The following SSH2 variants were observed in gnomAD, a reference collection of about 807,000 sequenced individuals.
SSH2 encodes the protein slingshot protein phosphatase 2, also known as protein phosphatase Slingshot homolog 2.
Under a neutral mutation model 135.2 loss-of-function variants are expected in SSH2, and 37 were observed. The observed-to-expected ratio is 0.27, with a 90% confidence interval of 0.21 to 0.36. The LOEUF (loss-of-function observed/expected upper bound fraction) is 0.36. Among genes scored for constraint, SSH2 ranks in the 10% least tolerant of loss-of-function variants. The probability of loss-of-function intolerance (pLI) is 1.00; values close to 1 mark genes in which losing one functional copy is unlikely to be tolerated. For missense variants in SSH2, 1,408 were observed against 1,765.3 expected, an observed-to-expected ratio of 0.80 and a Z score of 3.63; for synonymous variants, 628 against 646.2, an observed-to-expected ratio of 0.97 and a Z score of 0.43.
chr17:29,747,559 A>AAAAGGCCTTGAT (rs1418603116), intron 3 of SSH2, among the ~76,000 whole-genome samples: 1 of 152,224 alleles, frequency 6.6e-6, no homozygotes, highest in Non-Finnish European at 1.5e-5. Flanking sequence ...GGAACACCTA[A>AAAAGGCCTTGAT]AAAGGCCTTG....
At position 29,793,909 on chromosome 17, in the gene SSH2, C is replaced by G; in HGVS notation, c.173G>C (p.Arg58Pro). The change falls in exon 3 of 16, where the codon CGG becomes CCG. Residue 58 changes from arginine (R) to proline (P), a missense_variant. Transcript: ENST00000540801. ...ACAAACATACCTCCTGGGCTGTGAC[C>G]GGCATTCTTCCTCCCCACTGTCTGC... ...NEADSGEEECRSQPRSISESF... is the reference protein window; with the variant it reads ...NEADSGEEECPSQPRSISESF... 1.2e-6 allele frequency: 2 copies of G among 1,613,318 alleles called. No homozygotes were observed. The highest frequency in any genetic ancestry group is 1.7e-6 in the Non-Finnish European group (2 of 1,179,518).
chr17:29,705,067 T>C (rs2039142617), intron 3 of SSH2, among the ~76,000 whole-genome samples: 1 of 152,166 alleles, frequency 6.6e-6, no homozygotes, highest in Admixed American at 6.5e-5. Flanking sequence ...TCTGGCCTCG[T>C]TCTCCAGCCT....
At chr17:29,870,070 C>T (rs935375692) in intron 1 of SSH2, among the ~76,000 whole-genome samples, 7 of 151,778 alleles carry the variant, frequency 4.6e-5, no homozygotes, top group Non-Finnish European at 1.0e-4. Flanking sequence ...CCTTTGGGCC[C>T]GCAATTCTAT....
intron 3 of SSH2, among the ~76,000 whole-genome samples, chr17:29,781,481 T>C (rs958676029): frequency 2.9e-5 from 4 of 140,312 alleles, no homozygotes; most frequent in African/African-American, 8.0e-5. Flanking sequence ...TTCTTTTTTT[T>C]TTTTTTTTTT....
At chr17:29,736,093 TAAAAC>T (rs1308881957) in intron 3 of SSH2, among the ~76,000 whole-genome samples, 1 of 152,040 alleles carries the variant, frequency 6.6e-6, no homozygotes, top group Admixed American at 6.6e-5. Context: ...TGACACTATC[TAAAAC>T]AAAACAAAAC....
At chr17:29,893,084 T>G (rs2066379497) in intron 1 of SSH2, among the ~76,000 whole-genome samples, 1 of 152,100 alleles carries the variant, frequency 6.6e-6, no homozygotes, top group Non-Finnish European at 1.5e-5. Flanking sequence ...CCAAAGTTGA[T>G]CTTACGAAAG....
chr17:29,730,658 C>T (rs892546568), intron 3 of SSH2, among the ~76,000 whole-genome samples: 1 of 151,886 alleles, frequency 6.6e-6, no homozygotes, highest in Non-Finnish European at 1.5e-5. Context: ...AGGCTGGTCT[C>T]GAACTCCTGG....
chr17:29,838,883 AAG>A (rs1157161693), intron 2 of SSH2: 2 of 185,670 alleles, frequency 1.1e-5, no homozygotes, highest in Non-Finnish European at 2.2e-5. Flanking sequence ...GCGGGGCTAA[AAG>A]AGCTGTAACA....
In SSH2 at chr17:29,726,084, G is replaced by C. The variant is rs117148253; in HGVS notation, c.189-23022C>G. Among the ~76,000 whole-genome samples, 484 of 152,246 alleles carry C rather than the reference G, an allele frequency of 3.2e-3. 3 individuals are homozygous for C. In the South Asian group the frequency reaches 0.038, roughly 12 times the overall value. On this transcript the variant is annotated intron_variant, in intron 3 of 15. Transcript: ENST00000540801. Reference sequence around the variant, plus strand: ...TAAGGAGGTGGTCAAGATGATATTCGAGCAGAGACTTAAATAAAAAATAAA... The same window carrying C: ...TAAGGAGGTGGTCAAGATGATATTCCAGCAGAGACTTAAATAAAAAATAAA...
At chr17:29,917,275 C>A (rs939241332) in intron 1 of SSH2, among the ~76,000 whole-genome samples, 1 of 152,216 alleles carries the variant, frequency 6.6e-6, no homozygotes, top group Admixed American at 6.5e-5. Context: ...AAATTTATCT[C>A]ATTTTGCTAA....
At chr17:29,714,636 C>A (rs1266279457) in intron 3 of SSH2, among the ~76,000 whole-genome samples, 2 of 103,458 alleles carry the variant, frequency 1.9e-5, no homozygotes, top group African/African-American at 7.9e-5. Context: ...CATCCAACAA[C>A]TTTGTCTCAA....
At chr17:29,828,301 A>C (rs1335026666) in intron 2 of SSH2, among the ~76,000 whole-genome samples, 1 of 152,166 alleles carries the variant, frequency 6.6e-6, no homozygotes, top group Non-Finnish European at 1.5e-5. Flanking sequence ...TTATCTTCTT[A>C]AGCTACACAA....
At chr17:29,778,380 C>T (rs1370179649) in intron 3 of SSH2, among the ~76,000 whole-genome samples, 1 of 152,176 alleles carries the variant, frequency 6.6e-6, no homozygotes, top group Non-Finnish European at 1.5e-5. Context: ...TAGCTCACGC[C>T]TGTAATCCCA....
intron 6 of SSH2, 31 bp downstream of exon 6, chr17:29,684,532 G>A (rs1598796216): frequency 6.6e-7 from 1 of 1,510,682 alleles, no homozygotes. Flanking sequence ...TTAAAAAGCA[G>A]TTTTCACATT....
In SSH2 at chr17:29,723,467, T is replaced by C. The variant is rs571824670; in HGVS notation, c.189-20405A>G. Among the ~76,000 whole-genome samples, 8 of 152,314 alleles carry C rather than the reference T, an allele frequency of 5.3e-5. No homozygotes were observed. The East Asian group carries it at 1.4e-3, about 26-fold the overall frequency. On this transcript the variant is annotated intron_variant, in intron 3 of 15. Coordinates refer to ENST00000540801, the MANE Select transcript of SSH2 (RefSeq NM_001282129.2). ...CGCTATATACACAGTGCTTAATGAA[T>C]GTGATCTGAAAATGGCAATAGGGAA...
chr17:29,650,914 A>G, intron 12 of SSH2, 114 bp from the exon 13 acceptor site: 1 of 828,484 alleles, frequency 1.2e-6, no homozygotes. Flanking sequence ...ATTAAATACA[A>G]AAATAATGAA....
At chr17:29,707,746 G>A (rs1408578119) in intron 3 of SSH2, among the ~76,000 whole-genome samples, 1 of 152,024 alleles carries the variant, frequency 6.6e-6, no homozygotes, top group South Asian at 2.1e-4. Flanking sequence ...GGCTGGTCTG[G>A]AACTCCTGAT....
intron 3 of SSH2, among the ~76,000 whole-genome samples, chr17:29,730,893 C>T (rs765537742): frequency 4.1e-4 from 62 of 152,186 alleles, no homozygotes; most frequent in Non-Finnish European, 7.4e-4. Flanking sequence ...TGACTGTTAC[C>T]TTCAGAATAC....
In SSH2 at chr17:29,636,285, C is replaced by T. The variant is rs574460524; in HGVS notation, c.1945G>A (p.Asp649Asn). 1 of 1,614,134 alleles carries T rather than the reference C, an allele frequency of 6.2e-7. No homozygotes were observed. The highest frequency in any genetic ancestry group is 1.1e-5 in the South Asian group (1 of 91,082). The change falls in exon 15 of 16, where the codon GAC becomes AAC. Residue 649 changes from aspartate (D) to asparagine (N), a missense_variant. By Grantham distance (23) the Asp-to-Asn change is conservative. This residue lies in a region of SSH2 where 1,080 missense variants were observed against 1,144.5 expected (regional missense o/e 0.94). Transcript: ENST00000540801. ...TCAGGATCAGGGGACATGGGGGGGT[C>T]TTTCAGTGGAGATGTCAATTCTTCC... ...PMEELTSPLK[D>N]PPMSPDPESP... is the part of the protein sequence containing the mutation.
Sources: allele counts gnomAD v4.1 joint callset (sites outside exome capture counted in the v4.1 genomes callset), GRCh38; gene constraint gnomAD v4.1.1; regional missense constraint gnomAD v4.1.1; transcripts MANE v1.5; gene names NCBI Gene and HGNC (gene_info 2026-07-23, HGNC 2026-07-21).